CIMIP6: variants seen among roughly 807,000 people sequenced by gnomAD.
CIMIP6 encodes the protein ciliary microtubule inner protein 6, also known as uncharacterized protein C2orf73.
the CIMIP6 span, chr2:54,330,985 A>C: frequency 4.3e-6 from 7 of 1,613,626 alleles, no homozygotes; most frequent in Non-Finnish European, 5.9e-6. Context: ...CATGGAGGAA[A>C]AGGAAGATAA....
At chr2:54,335,299 G>T in the CIMIP6 span, among the ~76,000 whole-genome samples, 1 of 152,100 alleles carries the variant, frequency 6.6e-6, no homozygotes, top group African/African-American at 2.4e-5. Context: ...GAAATTTCAT[G>T]TATTTACGAT....
chr2:54,370,428 A>G, the CIMIP6 span, among the ~76,000 whole-genome samples: 2 of 149,184 alleles, frequency 1.3e-5, no homozygotes, highest in African/African-American at 2.4e-5. Context: ...GTGTATTACA[A>G]TTATTTTTAG....
chr2:54,360,961 CT>C, the CIMIP6 span: 2 of 155,898 alleles, frequency 1.3e-5, no homozygotes, highest in African/African-American at 4.8e-5. Context: ...CTTAACCTCT[CT>C]AGACTTCAGT....
the CIMIP6 span, among the ~76,000 whole-genome samples, chr2:54,346,902 A>G: frequency 4.6e-5 from 7 of 152,164 alleles, no homozygotes; most frequent in Admixed American, 4.6e-4. Context: ...ATTCCTCACT[A>G]TGGCCTACAC....
chr2:54,346,830 T>C, the CIMIP6 span, among the ~76,000 whole-genome samples: 26 of 152,364 alleles, frequency 1.7e-4, no homozygotes, highest in Non-Finnish European at 3.1e-4. Context: ...TAAAAACACA[T>C]GTGATATTCT....
At chr2:54,358,382 G>A in the CIMIP6 span, among the ~76,000 whole-genome samples, 1 of 152,174 alleles carries the variant, frequency 6.6e-6, no homozygotes, top group South Asian at 2.1e-4. Context: ...TGGTATCTGT[G>A]TAAAAAGCAT....
the CIMIP6 span, among the ~76,000 whole-genome samples, chr2:54,346,266 T>C: frequency 5.3e-5 from 8 of 152,120 alleles, no homozygotes; most frequent in African/African-American, 1.7e-4. Context: ...TGATAGAAGA[T>C]GAGAAGTAGA....
At chr2:54,341,931 G>C in the CIMIP6 span, among the ~76,000 whole-genome samples, 1 of 152,156 alleles carries the variant, frequency 6.6e-6, no homozygotes, top group South Asian at 2.1e-4. Flanking sequence ...GACACCATCT[G>C]TTTAGTAATC....
chr2:54,350,882 T>C, the CIMIP6 span, among the ~76,000 whole-genome samples: 2 of 152,214 alleles, frequency 1.3e-5, no homozygotes, highest in East Asian at 1.9e-4. Context: ...TTTGAAGATA[T>C]TACTCCACTG....
chr2:54,357,226 G>C, the CIMIP6 span, among the ~76,000 whole-genome samples: 1 of 152,136 alleles, frequency 6.6e-6, no homozygotes, highest in African/African-American at 2.4e-5. Flanking sequence ...TAATGTATAA[G>C]TATTTGAATA....
the CIMIP6 span, among the ~76,000 whole-genome samples, chr2:54,371,524 C>A: frequency 1.3e-5 from 2 of 152,218 alleles, no homozygotes; most frequent in Non-Finnish European, 2.9e-5. Context: ...GGGGAAAGGG[C>A]TATACCCCAC....
At chr2:54,364,912 C>T in the CIMIP6 span, among the ~76,000 whole-genome samples, 1 of 152,058 alleles carries the variant, frequency 6.6e-6, no homozygotes, top group Admixed American at 6.5e-5. Flanking sequence ...AAATTAAAAT[C>T]CTCAGGTGCC....
the CIMIP6 span, among the ~76,000 whole-genome samples, chr2:54,335,883 C>G: frequency 6.6e-6 from 1 of 152,084 alleles, no homozygotes. Flanking sequence ...GCGCCTTTTT[C>G]TTTGAAGCCA....
the CIMIP6 span, among the ~76,000 whole-genome samples, chr2:54,362,420 T>C: frequency 6.6e-6 from 1 of 152,198 alleles, no homozygotes; most frequent in Admixed American, 6.5e-5. Flanking sequence ...TTAGAAAATT[T>C]TATTATGTTG....
the CIMIP6 span, among the ~76,000 whole-genome samples, chr2:54,372,500 G>A: frequency 1.3e-5 from 2 of 152,170 alleles, no homozygotes; most frequent in African/African-American, 4.8e-5. Flanking sequence ...GCTTGTGACT[G>A]CTTAGACCAA....
At chr2:54,381,919 G>A in the CIMIP6 span, 1 of 1,550,600 alleles carries the variant, frequency 6.4e-7, no homozygotes, top group Non-Finnish European at 8.7e-7. Context: ...AAGGAACAGA[G>A]AGATCACGGG....
At chr2:54,372,521 C>T in the CIMIP6 span, among the ~76,000 whole-genome samples, 28 of 152,274 alleles carry the variant, frequency 1.8e-4, no homozygotes, top group Non-Finnish European at 3.2e-4. Flanking sequence ...CAGAGCAAGG[C>T]AGGAGTGATG....
the CIMIP6 span, among the ~76,000 whole-genome samples, chr2:54,352,135 A>G: frequency 3.3e-5 from 5 of 152,106 alleles, no homozygotes; most frequent in Non-Finnish European, 7.4e-5. Flanking sequence ...TTTTTGACAT[A>G]ATGTACTAAA....
chr2:54,339,544 A>C, the CIMIP6 span, among the ~76,000 whole-genome samples: 2 of 75,168 alleles, frequency 2.7e-5, 1 homozygote. Context: ...AACTGCTTAA[A>C]AACATTTTTT....
Sources: allele counts gnomAD v4.1 joint callset (sites outside exome capture counted in the v4.1 genomes callset), GRCh38; gene constraint gnomAD v4.1.1; transcripts MANE v1.5; gene names NCBI Gene and HGNC (gene_info 2026-07-23, HGNC 2026-07-21).